SLFNL1: variants seen among roughly 807,000 people sequenced by gnomAD.
The protein encoded by SLFNL1 is schlafen like 1.
Under a neutral mutation model 32.5 loss-of-function variants are expected in SLFNL1, and 26 were observed. That is an observed-to-expected ratio of 0.80 (90% CI 0.59 to 1.11). SLFNL1 has a LOEUF of 1.11. SLFNL1 is among the 50% of genes least tolerant of loss of function. The pLI, the probability that SLFNL1 is intolerant of heterozygous loss-of-function variation, is 0.00. For synonymous variants in SLFNL1, 255 were observed against 242.2 expected, an observed-to-expected ratio of 1.05 and a Z score of -0.49; for missense variants, 553 against 546.5, an observed-to-expected ratio of 1.01 and a Z score of -0.12.
rs1416095500 is a variant in SLFNL1 at position 41,019,120 on chromosome 1, G to A, written c.436-964C>T. Reference sequence around the variant, plus strand: ...TGGGATTACAAGCGTGAGCCACCGCGCCCAGCCAACCCTCCTTAGTGACGC... The same window carrying A: ...TGGGATTACAAGCGTGAGCCACCGCACCCAGCCAACCCTCCTTAGTGACGC... On this transcript the variant is annotated intron_variant, in intron 3 of 5. Transcript: ENST00000302946. Among the ~76,000 whole-genome samples the A allele has an allele frequency of 2.6e-5, 4 of 152,060 alleles. No homozygotes were observed. In the East Asian group the frequency reaches 5.8e-4, roughly 22 times the overall value.
rs1023294337 is a variant in SLFNL1, at chr1:41,015,979, T to C, written c.*127A>G. On this transcript the variant is annotated 3_prime_UTR_variant, in exon 6 of 6. Transcript: ENST00000302946. ...CATGGGTGCCTGCTCATGTGCCATG[T>C]TGAAGGAGTCCCTGTCCGCCTCTCA... 3.1e-5 allele frequency: 41 copies of C among 1,318,028 alleles called. No individual in the cohort carries two copies. The highest frequency in any genetic ancestry group is 2.8e-4 in the Admixed American group (12 of 42,352). The allele number at this position is 1,318,028 out of a possible 1,614,324, so 81.6% of individuals were successfully genotyped here. A position where few individuals can be genotyped will look rare whatever the true frequency, so the allele number is the denominator to read the frequency against.
rs754495740 is a variant in SLFNL1, at chr1:41,017,740, C to G, written c.852G>C (p.Leu284=). The part of the protein sequence containing the change: ...SHRDEDRARL[L]VDSILQGFKP... ...TGAAGCCCTGCAGGATGGAGTCCAC[C>G]AGCAGGCGTGCGCGGTCCTCGTCAC... Residue 284 remains leucine, a synonymous_variant, in exon 4 of 6, where the codon CTG becomes CTC. Coordinates refer to ENST00000302946, the MANE Select transcript of SLFNL1 (RefSeq NM_144990.4). This position sits in a 1 kb window ranked among gnomAD's most constrained non-coding sequence, Gnocchi z 4.9. The G allele has an allele frequency of 1.0e-5, 16 of 1,606,190 alleles. No individual in the cohort carries two copies. Among genetic ancestry groups the G allele is most frequent in the Admixed American group, 1.7e-5 (1 of 59,612 alleles).
chr1:41,016,105 C>T lies in SLFNL1; in HGVS notation c.*1G>A. ...GCCGTCCTGCCTGCTCCCCAGGGCC[C>T]TCACAGGACACAGCAGGTGCAGGAC... On this transcript the variant is annotated 3_prime_UTR_variant, in exon 6 of 6. Transcript: ENST00000302946. The T allele has an allele frequency of 6.2e-7, 1 of 1,612,682 alleles. No homozygotes were observed. The highest frequency in any genetic ancestry group is 1.1e-5 in the South Asian group (1 of 90,856).
chr1:41,020,770 TC>T lies in SLFNL1; in HGVS notation c.-111del, dbSNP rs1174661839. On this transcript the variant is annotated 5_prime_UTR_variant, in exon 3 of 6. An upstream open reading frame in the 5' UTR loses its in-frame stop. Transcript: ENST00000302946. ...GGGCTCCCAGAGGACTCAGGGAGTG[TC>T]CCGGCTCCTGGGAGGTACACAGATT... 1.0e-6 allele frequency: 1 copy of T among 980,402 alleles called. No individual in the cohort carries two copies. The highest frequency in any genetic ancestry group is 1.6e-5 in the African/African-American group (1 of 61,362). The allele number at this position is 980,402 out of a possible 1,614,324, so 60.7% of individuals were successfully genotyped here. A position where few individuals can be genotyped will look rare whatever the true frequency, so the allele number is the denominator to read the frequency against.
In SLFNL1 at chr1:41,017,558, G is replaced by A; in HGVS notation, c.957+77C>T. The A allele has an allele frequency of 6.7e-7, 1 of 1,498,138 alleles. No individual in the cohort carries two copies. The highest frequency in any genetic ancestry group is 8.9e-7 in the Non-Finnish European group (1 of 1,122,878). The allele number at this position is 1,498,138 out of a possible 1,614,324, so 92.8% of individuals were successfully genotyped here. ...TCCCGTCCCTGCCCCAGCACTGCCT[G>A]GCAGGAGTGCAGGCCATCGTCTTAC... On this transcript the variant is annotated intron_variant, in intron 4 of 5. Transcript: ENST00000302946. The surrounding 1 kb of genome is among the most constrained non-coding windows in gnomAD (Gnocchi z 4.9).
Position 41,018,082 on chromosome 1 carries a change from G to A in SLFNL1, c.510C>T (p.Thr170=). Reference sequence around the variant, plus strand: ...TATCAGGCAGCGTGTGTGTAGGCCAGGTGGGCAGCGGGACACCAGAGCCTG... The same window carrying A: ...TATCAGGCAGCGTGTGTGTAGGCCAAGTGGGCAGCGGGACACCAGAGCCTG... ...PSPGSGVPLP[T]WPTHTLPDRP... The change falls in exon 4 of 6, where the codon ACC becomes ACT. Residue 170 remains threonine, a synonymous_variant. Transcript: ENST00000302946. 6.4e-7 allele frequency: 1 copy of A among 1,560,260 alleles called. No homozygotes were observed. Among genetic ancestry groups the A allele is most frequent in the Non-Finnish European group, 8.7e-7 (1 of 1,149,018 alleles).
intron 3 of SLFNL1, among the ~76,000 whole-genome samples, chr1:41,018,839 T>G (rs1449691914): frequency 7.2e-5 from 10 of 138,662 alleles, no homozygotes; most frequent in Non-Finnish European, 1.6e-4. Context: ...TTTTTTTTTT[T>G]TTTTTTTTTT....
intron 5 of SLFNL1, chr1:41,016,585 C>T: frequency 4.6e-6 from 1 of 219,048 alleles, no homozygotes; most frequent in Non-Finnish European, 9.1e-6. Flanking sequence ...AGTGTATAGT[C>T]TTTGGGGTTT....
Position 41,020,118 on chromosome 1 carries a change from C to T in SLFNL1, c.435+108G>A, listed in dbSNP as rs999198275. 4 of 1,212,848 alleles carry T rather than the reference C, an allele frequency of 3.3e-6. No homozygotes were observed. In the African/African-American group the frequency reaches 4.5e-5, roughly 14 times the overall value. 75.1% of individuals were successfully genotyped at this position (1,212,848 alleles called of 1,614,324 possible). ...AGCCCCCAAGTTTGCAGATTTGTCCCTGCTTCCCCAGAGACACCCCTCCAT... is the reference window on the plus strand; with the variant it reads ...AGCCCCCAAGTTTGCAGATTTGTCCTTGCTTCCCCAGAGACACCCCTCCAT... On this transcript the variant is annotated intron_variant, in intron 3 of 5. Coordinates refer to ENST00000302946, the MANE Select transcript of SLFNL1 (RefSeq NM_144990.4).
In SLFNL1 at chr1:41,017,470, T is replaced by G; in HGVS notation, c.958-93A>C. On this transcript the variant is annotated intron_variant, in intron 4 of 5. Transcript: ENST00000302946. The surrounding 1 kb of genome is among the most constrained non-coding windows in gnomAD (Gnocchi z 4.9). ...CTGCTCAGCATTGCTCACTGATTCC[T>G]TAGGGCAGGCCAGCAGGGCTGGCAC... 1 of 1,531,952 alleles carries G rather than the reference T, an allele frequency of 6.5e-7. No homozygotes were observed. The highest frequency in any genetic ancestry group is 8.8e-7 in the Non-Finnish European group (1 of 1,140,850). 94.9% of individuals were successfully genotyped at this position (1,531,952 alleles called of 1,614,324 possible). A position where few individuals can be genotyped will look rare whatever the true frequency, so the allele number is the denominator to read the frequency against.
At position 41,016,078 on chromosome 1, in the gene SLFNL1, G is replaced by C; in HGVS notation, c.*28C>G. The C allele has an allele frequency of 6.2e-7, 1 of 1,602,192 alleles. No individual in the cohort carries two copies. Among genetic ancestry groups the C allele is most frequent in the Non-Finnish European group, 8.5e-7 (1 of 1,173,296 alleles). On this transcript the variant is annotated 3_prime_UTR_variant, in exon 6 of 6. Transcript: ENST00000302946. Reference sequence around the variant, plus strand: ...CCCTGGGTCTCAGGTGGAGAGTGCCGTGCCGTCCTGCCTGCTCCCCAGGGC... The same window carrying C: ...CCCTGGGTCTCAGGTGGAGAGTGCCCTGCCGTCCTGCCTGCTCCCCAGGGC...
At chr1:41,018,220 A>G in intron 3 of SLFNL1, 64 bp from the exon 4 acceptor site, 2 of 1,410,674 alleles carry the variant, frequency 1.4e-6, no homozygotes, top group South Asian at 1.5e-5. Flanking sequence ...TGACCCTGAG[A>G]AGGACTGCAA....
Position 41,017,824 on chromosome 1 carries a change from G to A in SLFNL1, c.768C>T (p.Gly256=). 1 of 1,598,432 alleles carries A rather than the reference G, an allele frequency of 6.3e-7. No individual in the cohort carries two copies. The highest frequency in any genetic ancestry group is 8.6e-7 in the Non-Finnish European group (1 of 1,168,858). The stretch of plus-strand genomic sequence containing the variant: ...TGTCCTCTACTCCCACGAGCAGGCT[G>A]CCGCCCTCGCTGTTGAGGAAGGCGC... The part of the protein sequence containing the change: ...YVCAFLNSEG[G]SLLVGVEDSG... The change falls in exon 4 of 6, where the codon GGC becomes GGT. Residue 256 remains glycine, a synonymous_variant. Coordinates refer to ENST00000302946, the MANE Select transcript of SLFNL1 (RefSeq NM_144990.4). This position sits in a 1 kb window ranked among gnomAD's most constrained non-coding sequence, Gnocchi z 4.9.
At position 41,017,525 on chromosome 1, in the gene SLFNL1, G is replaced by T; in HGVS notation, c.957+110C>A. 6.7e-7 allele frequency: 1 copy of T among 1,489,536 alleles called. No homozygotes were observed. 92.3% of individuals were successfully genotyped at this position (1,489,536 alleles called of 1,614,324 possible). A position where few individuals can be genotyped will look rare whatever the true frequency, so the allele number is the denominator to read the frequency against. ...GCCATCCCCAGCCTCTTCTCCTGTG[G>T]CCCCCAGTCCCGTCCCTGCCCCAGC... On this transcript the variant is annotated intron_variant, in intron 4 of 5. Transcript: ENST00000302946. This position sits in a 1 kb window ranked among gnomAD's most constrained non-coding sequence, Gnocchi z 4.9.
In SLFNL1 at chr1:41,020,282, C is replaced by T. The variant is rs1261689818; in HGVS notation, c.379G>A (p.Ala127Thr). The T allele has an allele frequency of 1.2e-6, 2 of 1,612,652 alleles. No homozygotes were observed. The highest frequency in any genetic ancestry group is 1.7e-6 in the Non-Finnish European group (2 of 1,179,332). ...EEHLILKELA[A>T]RGKDLLLSEA... ...CTCAATAGCAGGTCCTTCCCACGGG[C>T]TGCCAGCTCCTTGAGGATTAGGTGC... Residue 127 changes from alanine to threonine, a missense_variant, in exon 3 of 6, where the codon GCC (alanine) becomes ACC (threonine). Physicochemically the swap from Ala to Thr is moderately conservative, Grantham distance 58. Transcript: ENST00000302946.
chr1:41,016,280 G>T, intron 5 of SLFNL1, 52 bp from the exon 6 acceptor site: 1 of 1,588,632 alleles, frequency 6.3e-7, no homozygotes. Context: ...TCTCGGGCCT[G>T]TCCGTCCTCC....
Position 41,017,326 on chromosome 1 carries a change from A to G in SLFNL1, c.1009T>C (p.Tyr337His), listed in dbSNP as rs747243043. ...TPKAQSQPQL[Y>H]QTDQGEVFLR... ...AACACCTCCCCCTGGTCTGTCTGGT[A>G]GAGTTGCGGCTGGCTCTGGGCCTTG... Residue 337 changes from tyrosine (Y) to histidine (H), a missense_variant, in exon 5 of 6, where the codon TAC becomes CAC. By Grantham distance (83) the Tyr-to-His change is moderately conservative (BLOSUM62 2). Coordinates refer to ENST00000302946, the MANE Select transcript of SLFNL1 (RefSeq NM_144990.4). This position sits in a 1 kb window ranked among gnomAD's most constrained non-coding sequence, Gnocchi z 4.9. 2.2e-5 allele frequency: 35 copies of G among 1,613,770 alleles called. No individual in the cohort carries two copies. Among genetic ancestry groups the G allele is most frequent in the Non-Finnish European group, 2.8e-5 (33 of 1,179,938 alleles).
At position 41,017,966 on chromosome 1, in the gene SLFNL1, T is replaced by G. The variant is rs556560244; in HGVS notation, c.626A>C (p.Lys209Thr). 1 of 1,611,320 alleles carries G rather than the reference T, an allele frequency of 6.2e-7. No individual in the cohort carries two copies. The highest frequency in any genetic ancestry group is 2.2e-5 in the East Asian group (1 of 44,796). ...SAIVHQQIVG[K>T]DQLFQGAFLG... Reference sequence around the variant, plus strand: ...GAAGGCACCCTGGAAGAGCTGGTCCTTGCCCACGATCTGCTGGTGCACAAT... The same window carrying G: ...GAAGGCACCCTGGAAGAGCTGGTCCGTGCCCACGATCTGCTGGTGCACAAT... The change falls in exon 4 of 6, where the codon AAG becomes ACG. Residue 209 changes from lysine (K) to threonine (T), a missense_variant. Physicochemically the swap from Lys to Thr is moderately conservative, Grantham distance 78 (BLOSUM62 -1). Coordinates refer to ENST00000302946, the MANE Select transcript of SLFNL1 (RefSeq NM_144990.4). The surrounding 1 kb of genome is among the most constrained non-coding windows in gnomAD (Gnocchi z 4.9).
chr1:41,020,142 A>G (rs943930564), intron 3 of SLFNL1, 84 bp downstream of exon 3: 11 of 1,388,288 alleles, frequency 7.9e-6, no homozygotes, highest in Middle Eastern at 2.6e-4. Context: ...ACACCCCTCC[A>G]TCCCCACTCT....
Sources: gnomAD v4.1 joint callset for allele counts (sites outside exome capture counted in the v4.1 genomes callset) on GRCh38, gnomAD v4.1.1 for gene constraint, Gnocchi (gnomAD v3.1) non-coding constraint, MANE v1.5 for transcripts, NCBI Gene and HGNC (gene_info 2026-07-23, HGNC 2026-07-21) for gene names.